ATG13: variants seen among roughly 807,000 people sequenced by gnomAD.
The protein encoded by ATG13 is autophagy-related protein 13.
ATG13 carries 23 observed loss-of-function variants against 65.5 expected under a neutral mutation model. That is an observed-to-expected ratio of 0.35 (90% CI 0.25 to 0.50). The LOEUF (loss-of-function observed/expected upper bound fraction) is 0.50, where lower values mean the gene tolerates loss of function less well. Ranked by LOEUF, ATG13 falls within the 20% of genes least tolerant of loss-of-function variation. The pLI, the probability that ATG13 is intolerant of heterozygous loss-of-function variation, is 0.98. For synonymous variants in ATG13, 252 were observed against 245.2 expected (o/e 1.03, Z -0.26); for missense variants, 566 against 677.0 (o/e 0.84, Z 1.82).
intron 7 of ATG13, among the ~76,000 whole-genome samples, chr11:46,652,520 G>A (rs2059131557): frequency 6.6e-6 from 1 of 152,116 alleles, no homozygotes; most frequent in Non-Finnish European, 1.5e-5. Flanking sequence ...TTCGAGACCA[G>A]CCTGGGCAAC....
Position 46,622,062 on chromosome 11 carries a change from G to T in ATG13, c.-70+4172G>T, listed in dbSNP as rs538643916. Among the ~76,000 whole-genome samples, 12 of 123,420 alleles carry T rather than the reference G, an allele frequency of 9.7e-5. No homozygotes were observed. The South Asian group carries it at 1.5e-3, about 16-fold the overall frequency. 81.0% of individuals were successfully genotyped at this position (123,420 alleles called of 152,430 possible). On this transcript the variant is annotated intron_variant, in intron 1 of 18. Coordinates refer to ENST00000683050, the MANE Select transcript of ATG13 (RefSeq NM_001346311.2). ...CCTGTTGATGAAAGGCCACTTCAGA[G>T]ATTTATTTATTTACATATATATATA...
Position 46,617,668 on chromosome 11 carries a change from C to G in ATG13, c.-292C>G. On this transcript the variant is annotated 5_prime_UTR_variant, in exon 1 of 19. Transcript: ENST00000683050. ...AACCAGTGAGGGAAGCACTGAAGAGCGCCAGTCGACGTGGGTGCGACAACT... is the reference window on the plus strand; with the variant it reads ...AACCAGTGAGGGAAGCACTGAAGAGGGCCAGTCGACGTGGGTGCGACAACT... The G allele has an allele frequency of 2.6e-6, 1 of 390,352 alleles. No individual in the cohort carries two copies. The highest frequency in any genetic ancestry group is 4.5e-6 in the Non-Finnish European group (1 of 221,516). The allele number at this position is 390,352 out of a possible 1,614,324, so 24.2% of individuals were successfully genotyped here. A position where few individuals can be genotyped will look rare whatever the true frequency, so the allele number is the denominator to read the frequency against.
rs544468431 is a variant in ATG13 at position 46,631,182 on chromosome 11, A to G, written c.-14+1082A>G. ...CCTATTTAAGTAGAACCCTATATGT[A>G]TGTATGTATGTAAGTGTAAATTAAT... On this transcript the variant is annotated intron_variant, in intron 2 of 18. Coordinates refer to ENST00000683050, the MANE Select transcript of ATG13 (RefSeq NM_001346311.2). Among the ~76,000 whole-genome samples the G allele has an allele frequency of 4.6e-5, 7 of 152,248 alleles. No homozygotes were observed. The East Asian group carries it at 7.7e-4, about 17-fold the overall frequency.
intron 1 of ATG13, among the ~76,000 whole-genome samples, chr11:46,623,165 G>A (rs574982893): frequency 1.3e-5 from 2 of 152,124 alleles, no homozygotes; most frequent in East Asian, 3.9e-4. Context: ...GTGGTGGCGG[G>A]CACCTGGGGT....
chr11:46,673,882 T>TG lies in ATG13; in HGVS notation c.*1550_*1551insG, dbSNP rs2064250361. On this transcript the variant is annotated 3_prime_UTR_variant, in exon 19 of 19. Transcript: ENST00000683050. Reference sequence around the variant, plus strand: ...CAGGTGGTTCTCAGCTGCTTGTTAGTATACTGCATGTGACACTGTTCCCAC... The same window carrying TG: ...CAGGTGGTTCTCAGCTGCTTGTTAGTGATACTGCATGTGACACTGTTCCCAC... The TG allele has an allele frequency of 6.6e-6, 1 of 152,230 alleles. No homozygotes were observed. The highest frequency in any genetic ancestry group is 6.5e-5 in the Admixed American group (1 of 15,288). The allele number at this position is 152,230 out of a possible 1,614,324, so 9.4% of individuals were successfully genotyped here.
intron 7 of ATG13, among the ~76,000 whole-genome samples, chr11:46,655,267 CGGACACCTGTAGTCCAGCTGCTCG>C (rs2059803952): frequency 6.6e-6 from 1 of 151,894 alleles, no homozygotes; most frequent in South Asian, 2.1e-4. Context: ...GGCGCGGTGG[CGGACACCTGTAGTCCAGCTGCTCG>C]GGAGGCTGAG....
rs1361879885 is a variant in ATG13, at chr11:46,636,795, A to T, written c.-14+6695A>T. Among the ~76,000 whole-genome samples the T allele has an allele frequency of 1.0e-4, 15 of 150,108 alleles. No homozygotes were observed. In the Admixed American group the frequency reaches 1.0e-3, roughly 10 times the overall value. ...TGATACAGTTTTTTTTTTTCTTTTGAGGTGGAGTCTCATTCTGTCACCAGG... is the reference window on the plus strand; with the variant it reads ...TGATACAGTTTTTTTTTTTCTTTTGTGGTGGAGTCTCATTCTGTCACCAGG... On this transcript the variant is annotated intron_variant, in intron 2 of 18. Coordinates refer to ENST00000683050, the MANE Select transcript of ATG13 (RefSeq NM_001346311.2).
chr11:46,661,902 G>C (rs1592148324), intron 11 of ATG13, among the ~76,000 whole-genome samples: 1 of 152,188 alleles, frequency 6.6e-6, no homozygotes, highest in East Asian at 1.9e-4. Flanking sequence ...TGTGATTGAT[G>C]TTGTAGAATC....
chr11:46,669,030 G>A (rs2063084577), intron 17 of ATG13, 120 bp downstream of exon 17: 2 of 872,764 alleles, frequency 2.3e-6, no homozygotes, highest in Non-Finnish European at 3.6e-6. Flanking sequence ...AGACAGAAGG[G>A]ATGGACAGGT....
intron 18 of ATG13, among the ~76,000 whole-genome samples, chr11:46,670,036 G>T (rs1364966733): frequency 6.6e-6 from 1 of 152,108 alleles, no homozygotes; most frequent in Non-Finnish European, 1.5e-5. Context: ...CCTCTGAGGG[G>T]CAGAAGAGTG....
At chr11:46,672,169 T>G in intron 18 of ATG13, 86 bp from the exon 19 acceptor site, 1 of 1,599,100 alleles carries the variant, frequency 6.3e-7, no homozygotes, top group South Asian at 1.1e-5. Flanking sequence ...TCGTCTTGCT[T>G]GCTGCCTCCC....
chr11:46,620,238 C>T lies in ATG13; in HGVS notation c.-70+2348C>T, dbSNP rs529273308. ...CCTCCCAAGTAGCTGGGATTACAGG[C>T]GCCCGCCACCACGCCTGGCTAAGTT... On this transcript the variant is annotated intron_variant, in intron 1 of 18. Transcript: ENST00000683050. Among the ~76,000 whole-genome samples the T allele has an allele frequency of 6.6e-5, 10 of 150,546 alleles. No individual in the cohort carries two copies. The South Asian group carries it at 1.3e-3, about 19-fold the overall frequency.
chr11:46,633,357 G>T (rs2052664444), intron 2 of ATG13, among the ~76,000 whole-genome samples: 1 of 151,030 alleles, frequency 6.6e-6, no homozygotes, highest in African/African-American at 2.4e-5. Context: ...TTTAATTATT[G>T]TTTTTTTGGA....
At chr11:46,638,934 A>C (rs530686749) in intron 2 of ATG13, among the ~76,000 whole-genome samples, 34 of 152,102 alleles carry the variant, frequency 2.2e-4, no homozygotes, top group Admixed American at 1.9e-3. Flanking sequence ...CAGCCTTCCA[A>C]GTAGCTGGGA....
intron 5 of ATG13, chr11:46,648,856 G>T: frequency 9.7e-6 from 2 of 205,954 alleles, no homozygotes; most frequent in East Asian, 1.0e-4. Context: ...TGGATAAAAT[G>T]ATAGTCATAT....
chr11:46,663,913 G>A (rs2061695215), intron 11 of ATG13, 84 bp from the exon 12 acceptor site: 1 of 1,032,474 alleles, frequency 9.7e-7, no homozygotes, highest in Non-Finnish European at 1.4e-6. Flanking sequence ...GCCCCTTCCA[G>A]AGTTTCTTCA....
At chr11:46,628,455 C>T (rs958455366) in intron 1 of ATG13, among the ~76,000 whole-genome samples, 1 of 151,862 alleles carries the variant, frequency 6.6e-6, no homozygotes, top group Non-Finnish European at 1.5e-5. Flanking sequence ...GAATATTTGT[C>T]AGCAAATAGT....
intron 11 of ATG13, 53 bp from the exon 12 acceptor site, chr11:46,663,940 CTTTT>C: frequency 8.6e-7 from 1 of 1,158,652 alleles, no homozygotes. Context: ...TCTCAAGTCC[CTTTT>C]CTTTTTTTTT....
intron 18 of ATG13, among the ~76,000 whole-genome samples, chr11:46,670,770 G>A (rs1051570368): frequency 3.5e-4 from 53 of 152,038 alleles, no homozygotes; most frequent in African/African-American, 1.2e-3. Context: ...CCATGTTTGC[G>A]CCACTGCCTC....
Sources: gnomAD v4.1 joint callset for allele counts (sites outside exome capture counted in the v4.1 genomes callset) on GRCh38, gnomAD v4.1.1 for gene constraint, MANE v1.5 for transcripts, NCBI Gene and HGNC (gene_info 2026-07-23, HGNC 2026-07-21) for gene names.